Variants in TAFA1 observed in about 807,000 individuals in gnomAD.
TAFA1 encodes chemokine-like protein TAFA-1.
A neutral mutation model predicts 18.5 loss-of-function variants in TAFA1; 4 were observed. That is an observed-to-expected ratio of 0.22 (90% CI 0.11 to 0.49). The LOEUF (loss-of-function observed/expected upper bound fraction) is 0.49. Ranked by LOEUF, TAFA1 falls within the 20% of genes least tolerant of loss-of-function variation. The pLI, the probability that TAFA1 is intolerant of heterozygous loss-of-function variation, is 0.98. For missense variants in TAFA1, 147 were observed against 169.0 expected (o/e 0.87, Z 0.72); for synonymous variants, 56 against 55.2 (o/e 1.01, Z -0.06).
intron 2 of TAFA1, among the ~76,000 whole-genome samples, chr3:68,385,449 C>G (rs531719720): frequency 6.8e-4 from 104 of 152,136 alleles, no homozygotes; most frequent in African/African-American, 2.4e-3. Context: ...GATTTGAATC[C>G]TTGGTTTTCA....
intron 2 of TAFA1, among the ~76,000 whole-genome samples, chr3:68,301,139 C>A: frequency 6.6e-6 from 1 of 152,040 alleles, no homozygotes; most frequent in East Asian, 1.9e-4. Context: ...CATTTCAATC[C>A]TAACCCCACC....
chr3:68,299,296 C>T (rs547973232), intron 2 of TAFA1, among the ~76,000 whole-genome samples: 1 of 152,312 alleles, frequency 6.6e-6, no homozygotes, highest in Admixed American at 6.5e-5. Flanking sequence ...TATGCTTTAG[C>T]AAAGAGAAGG....
chr3:68,208,173 C>G (rs1030824615), intron 2 of TAFA1, among the ~76,000 whole-genome samples: 8 of 151,902 alleles, frequency 5.3e-5, no homozygotes, highest in Admixed American at 5.3e-4. Flanking sequence ...CGTTTGGAAG[C>G]TATTCCTTCC....
chr3:68,334,215 C>G (rs1303377036), intron 2 of TAFA1, among the ~76,000 whole-genome samples: 1 of 152,104 alleles, frequency 6.6e-6, no homozygotes, highest in Non-Finnish European at 1.5e-5. Context: ...AATGATTTTA[C>G]TATGCATTTA....
chr3:68,353,437 T>C (rs1367480739), intron 2 of TAFA1, among the ~76,000 whole-genome samples: 1 of 152,118 alleles, frequency 6.6e-6, no homozygotes, highest in African/African-American at 2.4e-5. Flanking sequence ...CATGTGATTA[T>C]TGTGGTGTGA....
intron 2 of TAFA1, among the ~76,000 whole-genome samples, chr3:68,320,267 T>A (rs756588355): frequency 6.6e-6 from 1 of 152,198 alleles, no homozygotes; most frequent in East Asian, 1.9e-4. Context: ...CTGGCTTCCT[T>A]GTATCTTCCC....
intron 2 of TAFA1, among the ~76,000 whole-genome samples, chr3:68,087,112 C>A: frequency 6.6e-6 from 1 of 152,112 alleles, no homozygotes; most frequent in South Asian, 2.1e-4. Context: ...TGCTTAGTTA[C>A]CATTGGATAC....
At chr3:68,311,415 C>T (rs1021438875) in intron 2 of TAFA1, among the ~76,000 whole-genome samples, 1 of 152,170 alleles carries the variant, frequency 6.6e-6, no homozygotes, top group Non-Finnish European at 1.5e-5. Context: ...AAGCCAACTC[C>T]CTTCCACCTA....
chr3:68,363,494 C>G (rs1318595835), intron 2 of TAFA1, among the ~76,000 whole-genome samples: 1 of 152,094 alleles, frequency 6.6e-6, no homozygotes. Context: ...TCTAAGGCCT[C>G]CCAGCTAATA....
intron 2 of TAFA1, among the ~76,000 whole-genome samples, chr3:68,123,790 T>TAA (rs2065429834): frequency 6.9e-6 from 1 of 145,132 alleles, no homozygotes; most frequent in Non-Finnish European, 1.5e-5. Context: ...CCCACTGCAA[T>TAA]AAGCCACTTT....
intron 2 of TAFA1, among the ~76,000 whole-genome samples, chr3:68,368,319 G>A (rs1213028709): frequency 6.6e-6 from 1 of 152,188 alleles, no homozygotes; most frequent in Non-Finnish European, 1.5e-5. Context: ...AACAAGGGAG[G>A]TGCTGAGCAG....
At chr3:68,310,785 C>T (rs1168865099) in intron 2 of TAFA1, among the ~76,000 whole-genome samples, 1 of 151,994 alleles carries the variant, frequency 6.6e-6, no homozygotes, top group Non-Finnish European at 1.5e-5. Context: ...AATGTTAATG[C>T]TAAAAGATAG....
intron 2 of TAFA1, among the ~76,000 whole-genome samples, chr3:68,303,339 T>A (rs1450573440): frequency 6.6e-6 from 1 of 152,200 alleles, no homozygotes; most frequent in Non-Finnish European, 1.5e-5. Context: ...AAGGAGGAGC[T>A]TTTGGTTGAC....
At chr3:68,451,471 G>A (rs542383302) in intron 3 of TAFA1, among the ~76,000 whole-genome samples, 1 of 152,232 alleles carries the variant, frequency 6.6e-6, no homozygotes, top group Admixed American at 6.5e-5. Context: ...TTTCAAAAGA[G>A]GGAGAAAGAG....
In TAFA1 at chr3:68,299,490, G is replaced by A. The variant is rs144468766; in HGVS notation, c.119-117790G>A. 4.6e-3 allele frequency among the ~76,000 whole-genome samples: 696 copies of A among 152,346 alleles called. 10 individuals are homozygous for A. The highest frequency in any genetic ancestry group is 0.015 in the South Asian group (70 of 4,826). Reference sequence around the variant, plus strand: ...CTAACGTTTAAAAGGGAAGCAGAGCGTAAAAGTTTGGAAAATTTGCAACCT... The same window carrying A: ...CTAACGTTTAAAAGGGAAGCAGAGCATAAAAGTTTGGAAAATTTGCAACCT... On this transcript the variant is annotated intron_variant, in intron 2 of 4. Transcript: ENST00000478136.
intron 2 of TAFA1, among the ~76,000 whole-genome samples, chr3:68,228,070 T>G (rs2066826014): frequency 6.6e-6 from 1 of 152,160 alleles, no homozygotes; most frequent in South Asian, 2.1e-4. Flanking sequence ...ACAGGCTGTT[T>G]CGGCAGATGC....
At chr3:68,413,244 A>C (rs1235578141) in intron 2 of TAFA1, among the ~76,000 whole-genome samples, 1 of 151,968 alleles carries the variant, frequency 6.6e-6, no homozygotes, top group African/African-American at 2.4e-5. Context: ...TTTCTTGTAA[A>C]TTTGTTTGAG....
chr3:68,150,864 G>A (rs2065799220), intron 2 of TAFA1, among the ~76,000 whole-genome samples: 1 of 152,058 alleles, frequency 6.6e-6, no homozygotes, highest in South Asian at 2.1e-4. Context: ...AACAGTAATA[G>A]CTACTTTTGT....
At chr3:68,417,833 A>G (rs1021083648) in intron 3 of TAFA1, among the ~76,000 whole-genome samples, 5 of 152,182 alleles carry the variant, frequency 3.3e-5, no homozygotes, top group Non-Finnish European at 5.9e-5. Context: ...ACTTTCAATC[A>G]CAGGAGAAAG....
Sources: gnomAD v4.1 joint callset for allele counts (sites outside exome capture counted in the v4.1 genomes callset) on GRCh38, gnomAD v4.1.1 for gene constraint, MANE v1.5 for transcripts, NCBI Gene and HGNC (gene_info 2026-07-23, HGNC 2026-07-21) for gene names.